Variants in DLC1 observed in about 807,000 individuals in gnomAD.
DLC1 encodes the protein DLC1 Rho GTPase activating protein, also known as rho GTPase-activating protein 7.
Under a neutral mutation model 140.3 loss-of-function variants are expected in DLC1, and 54 were observed. The ratio of observed to expected loss-of-function variants is 0.38; its 90% CI spans 0.31 to 0.48. The LOEUF (loss-of-function observed/expected upper bound fraction) is 0.48, where lower values mean the gene tolerates loss of function less well. Among genes scored for constraint, DLC1 ranks in the 20% least tolerant of loss-of-function variants. The probability of loss-of-function intolerance (pLI) is 0.96; values close to 1 mark genes in which losing one functional copy is unlikely to be tolerated. For missense variants in DLC1, 2,536 were observed against 1,907.0 expected, an observed-to-expected ratio of 1.33 and a Z score of -6.14; for synonymous variants, 986 against 728.1, an observed-to-expected ratio of 1.35 and a Z score of -5.70.
intron 2 of DLC1, among the ~76,000 whole-genome samples, chr8:13,468,876 A>AG (rs1335517572): frequency 7.9e-6 from 1 of 126,908 alleles, no homozygotes; most frequent in East Asian, 2.7e-4. Flanking sequence ...GCTGGAGTGC[A>AG]GTGGTGCAAT....
At chr8:13,533,137 A>G (rs1338782197) in intron 1 of DLC1, among the ~76,000 whole-genome samples, 2 of 152,248 alleles carry the variant, frequency 1.3e-5, no homozygotes, top group East Asian at 3.9e-4. Flanking sequence ...TAAAACCACC[A>G]TGAAGTAAAA....
At chr8:13,353,517 T>C (rs1335211153) in intron 4 of DLC1, 1 of 152,096 alleles carries the variant, frequency 6.6e-6, no homozygotes, top group East Asian at 1.9e-4. Context: ...TCAAAGAAAT[T>C]TGTAACCTAT....
At chr8:13,272,717 A>C (rs1830990605) in intron 5 of DLC1, among the ~76,000 whole-genome samples, 1 of 151,866 alleles carries the variant, frequency 6.6e-6, no homozygotes, top group Non-Finnish European at 1.5e-5. Context: ...AAAAATAGAA[A>C]AAAAAAATTA....
At chr8:13,208,277 A>T (rs1374667626) in intron 5 of DLC1, among the ~76,000 whole-genome samples, 1 of 152,184 alleles carries the variant, frequency 6.6e-6, no homozygotes, top group Non-Finnish European at 1.5e-5. Flanking sequence ...ATGGACATGG[A>T]AATAAATTGC....
At chr8:13,554,179 G>A (rs916764963) in intron 1 of DLC1, among the ~76,000 whole-genome samples, 3 of 152,112 alleles carry the variant, frequency 2.0e-5, no homozygotes, top group African/African-American at 7.2e-5. Flanking sequence ...CCATTCTCCT[G>A]CCTCAGCCTC....
intron 6 of DLC1, among the ~76,000 whole-genome samples, chr8:13,113,566 A>C (rs1030940122): frequency 4.6e-5 from 7 of 152,228 alleles, no homozygotes; most frequent in African/African-American, 1.7e-4. Context: ...TCAATGCCAA[A>C]AACGAGCATA....
chr8:13,187,541 G>A (rs1360212270), intron 5 of DLC1, among the ~76,000 whole-genome samples: 2 of 152,186 alleles, frequency 1.3e-5, no homozygotes, highest in Non-Finnish European at 2.9e-5. Context: ...CCCAAGATGT[G>A]CAGAAAGATG....
intron 1 of DLC1, among the ~76,000 whole-genome samples, chr8:13,589,159 C>G (rs927867956): frequency 1.3e-5 from 2 of 152,102 alleles, no homozygotes; most frequent in Non-Finnish European, 2.9e-5. Context: ...TATCCTTCAT[C>G]TGTCCAAACA....
intron 3 of DLC1, among the ~76,000 whole-genome samples, chr8:13,398,739 A>T (rs117740651): frequency 0.014 from 2,094 of 152,302 alleles, 27 homozygotes; most frequent in Middle Eastern, 0.034. Flanking sequence ...GAGAGTCTGA[A>T]TAACTGGTAG....
intron 5 of DLC1, among the ~76,000 whole-genome samples, chr8:13,237,122 T>A (rs1829316484): frequency 6.6e-6 from 1 of 151,462 alleles, no homozygotes; most frequent in African/African-American, 2.4e-5. Flanking sequence ...CTTACTCTTT[T>A]TCTAAGGACC....
chr8:13,245,333 C>T (rs1377514582), intron 5 of DLC1, among the ~76,000 whole-genome samples: 1 of 152,316 alleles, frequency 6.6e-6, no homozygotes. Flanking sequence ...ACTCTCCTGG[C>T]CAATATCCCG....
intron 5 of DLC1, among the ~76,000 whole-genome samples, chr8:13,292,894 G>C (rs1173264353): frequency 1.3e-5 from 2 of 152,116 alleles, no homozygotes; most frequent in Admixed American, 1.3e-4. Context: ...AGGAGCAGCA[G>C]CATGTGATCC....
intron 5 of DLC1, among the ~76,000 whole-genome samples, chr8:13,144,718 T>C (rs971188623): frequency 3.9e-5 from 6 of 152,172 alleles, no homozygotes; most frequent in African/African-American, 1.4e-4. Flanking sequence ...TGAGCCGAGA[T>C]TGCACCACTG....
At chr8:13,176,141 T>A (rs1825746560) in intron 5 of DLC1, among the ~76,000 whole-genome samples, 1 of 152,216 alleles carries the variant, frequency 6.6e-6, no homozygotes, top group African/African-American at 2.4e-5. Flanking sequence ...TATATTATAG[T>A]CAGGTCAGGA....
chr8:13,493,947 T>G (rs1352640333), intron 2 of DLC1, among the ~76,000 whole-genome samples: 1 of 152,218 alleles, frequency 6.6e-6, no homozygotes, highest in East Asian at 1.9e-4. Flanking sequence ...GAGAAAATAT[T>G]TGATTTTTAT....
At chr8:13,154,959 A>G (rs931743928) in intron 5 of DLC1, among the ~76,000 whole-genome samples, 4 of 152,208 alleles carry the variant, frequency 2.6e-5, no homozygotes, top group Non-Finnish European at 5.9e-5. Context: ...ATAATATGGA[A>G]TTGAATAAAC....
intron 7 of DLC1, among the ~76,000 whole-genome samples, chr8:13,105,025 C>G (rs1819441924): frequency 6.6e-6 from 1 of 152,222 alleles, no homozygotes; most frequent in African/African-American, 2.4e-5. Flanking sequence ...TTCCATTAAT[C>G]AAACCTGTAA....
chr8:13,538,340 C>G (rs143292585), intron 1 of DLC1, among the ~76,000 whole-genome samples: 1 of 151,490 alleles, frequency 6.6e-6, no homozygotes, highest in East Asian at 1.9e-4. Context: ...GTTAGTCACT[C>G]CCAAAATAGT....
intron 4 of DLC1, among the ~76,000 whole-genome samples, chr8:13,306,693 T>C (rs1394844902): frequency 6.6e-6 from 1 of 151,982 alleles, no homozygotes; most frequent in African/African-American, 2.4e-5. Context: ...TCTATATCCT[T>C]GTGAAATATT....
Sources: allele counts gnomAD v4.1 joint callset (sites outside exome capture counted in the v4.1 genomes callset), GRCh38; gene constraint gnomAD v4.1.1; transcripts MANE v1.5; gene names NCBI Gene and HGNC (gene_info 2026-07-23, HGNC 2026-07-21).